The following MTMR8 variants were observed in gnomAD, a reference collection of about 807,000 sequenced individuals.
MTMR8 encodes the protein phosphatidylinositol-3,5-bisphosphate 3-phosphatase MTMR8.
MTMR8 carries 65 observed loss-of-function variants against 39.3 expected under a neutral mutation model. The ratio of observed to expected loss-of-function variants is 1.65; its 90% CI spans 1.35 to 2.03. The LOEUF (loss-of-function observed/expected upper bound fraction) is 2.03, where lower values mean the gene tolerates loss of function less well. Among genes scored for constraint, MTMR8 ranks in the 30% most tolerant of loss-of-function variants. MTMR8 has a pLI of 0.00. For synonymous variants in MTMR8, 245 were observed against 185.2 expected, an observed-to-expected ratio of 1.32 and a Z score of -2.62; for missense variants, 777 against 538.9, an observed-to-expected ratio of 1.44 and a Z score of -4.37.
intron 2 of MTMR8, 97 bp downstream of exon 2, chrX:64,359,308 T>C: frequency 1.3e-5 from 12 of 917,406 alleles, no homozygotes; most frequent in Non-Finnish European, 1.7e-5. Context: ...TTTACAGCAA[T>C]TTAAAAATTA....
intron 12 of MTMR8, among the ~76,000 whole-genome samples, chrX:64,297,916 G>A (rs1921681249): frequency 2.0e-5 from 2 of 99,730 alleles, no homozygotes; most frequent in South Asian, 1.0e-3. Context: ...ATTTCTGAGG[G>A]CTCTGTTCTG....
At chrX:64,332,446 A>G (rs1046202627) in intron 10 of MTMR8, among the ~76,000 whole-genome samples, 6 of 111,891 alleles carry the variant, frequency 5.4e-5, no homozygotes, top group African/African-American at 1.9e-4. Flanking sequence ...CTTGGGGTCA[A>G]ATAAAAATGG....
chrX:64,293,491 T>A (rs1458266732), intron 12 of MTMR8, among the ~76,000 whole-genome samples: 1 of 111,326 alleles, frequency 9.0e-6, no homozygotes, highest in Non-Finnish European at 1.9e-5. Flanking sequence ...GTGAAGCAAG[T>A]ATTAACATTT....
chrX:64,366,298 T>C (rs1031216219), intron 1 of MTMR8, among the ~76,000 whole-genome samples: 7 of 111,886 alleles, frequency 6.3e-5, no homozygotes, highest in African/African-American at 2.0e-4. Context: ...ATCAACAGAA[T>C]ATACATTCTT....
At chrX:64,359,363 C>G (rs901339006) in intron 2 of MTMR8, 42 bp downstream of exon 2, 4 of 1,163,461 alleles carry the variant, frequency 3.4e-6, no homozygotes, top group Non-Finnish European at 3.5e-6. Flanking sequence ...CATGTATGCA[C>G]AACTCTTTAA....
chrX:64,272,997 G>A (rs1008964919), intron 12 of MTMR8, among the ~76,000 whole-genome samples: 6 of 111,657 alleles, frequency 5.4e-5, no homozygotes, highest in African/African-American at 9.8e-5. Context: ...AAAGCTAAGG[G>A]AGTTCATTAC....
chrX:64,360,273 T>C, intron 1 of MTMR8: 1 of 175,088 alleles, frequency 5.7e-6, no homozygotes, highest in South Asian at 8.7e-5. Flanking sequence ...AATATAAACA[T>C]ATTGTATAAT....
intron 1 of MTMR8, among the ~76,000 whole-genome samples, chrX:64,381,866 T>A (rs1179032292): frequency 2.7e-5 from 3 of 112,089 alleles, no homozygotes; most frequent in Non-Finnish European, 5.6e-5. Flanking sequence ...AGGGAATTGT[T>A]TCCCCATTTC....
intron 12 of MTMR8, among the ~76,000 whole-genome samples, chrX:64,287,546 C>A (rs999349271): frequency 2.2e-4 from 24 of 111,109 alleles, no homozygotes; most frequent in African/African-American, 7.5e-4. Context: ...GGAGGCATCA[C>A]GCTACCTGAC....
chrX:64,327,406 T>A (rs960025359), intron 12 of MTMR8, among the ~76,000 whole-genome samples: 1 of 111,641 alleles, frequency 9.0e-6, no homozygotes, highest in Non-Finnish European at 1.9e-5. Context: ...GATATACAAA[T>A]GGCCAATAGG....
At chrX:64,374,599 A>G (rs1346286273) in intron 1 of MTMR8, among the ~76,000 whole-genome samples, 1 of 111,882 alleles carries the variant, frequency 8.9e-6, no homozygotes, top group Non-Finnish European at 1.9e-5. Flanking sequence ...CCAAGAGTGG[A>G]ATAAAAGTAG....
At chrX:64,371,896 A>G (rs1173738070) in intron 1 of MTMR8, among the ~76,000 whole-genome samples, 2 of 110,272 alleles carry the variant, frequency 1.8e-5, no homozygotes, top group East Asian at 5.7e-4. Context: ...TACAAAAATT[A>G]ACTAGATCTG....
chrX:64,363,838 G>C (rs183602410), intron 1 of MTMR8, among the ~76,000 whole-genome samples: 1 of 111,666 alleles, frequency 9.0e-6, no homozygotes, highest in African/African-American at 3.3e-5. Context: ...TCCTAGCCAA[G>C]GGAAGACGTG....
At position 64,350,089 on chromosome X, in the gene MTMR8, A is replaced by T. The variant is rs201149901; in HGVS notation, c.469-19T>A. On this transcript the variant is annotated intron_variant, in intron 4 of 13. Coordinates refer to ENST00000374852, the MANE Select transcript of MTMR8 (RefSeq NM_017677.4). ...TGCATATCTAAAAGAAAATAAGCACAATATATATAAATATATATTTATACA... is the reference window on the plus strand; with the variant it reads ...TGCATATCTAAAAGAAAATAAGCACTATATATATAAATATATATTTATACA... 3.8e-4 allele frequency: 319 copies of T among 846,072 alleles called. 2 individuals are homozygous for T. The African/African-American group carries it at 6.9e-3, about 18-fold the overall frequency. 69.7% of individuals were successfully genotyped at this position (846,072 alleles called of 1,213,427 possible).
intron 1 of MTMR8, among the ~76,000 whole-genome samples, chrX:64,359,732 G>T (rs1013955441): frequency 9.0e-6 from 1 of 110,581 alleles, no homozygotes; most frequent in African/African-American, 3.3e-5. Context: ...AGGAAAACCC[G>T]TATTCTAGAA....
chrX:64,381,581 T>C (rs1361324741), intron 1 of MTMR8, among the ~76,000 whole-genome samples: 4 of 110,793 alleles, frequency 3.6e-5, no homozygotes, highest in Admixed American at 2.9e-4. Flanking sequence ...GGTAGTTTCT[T>C]TTGCTGTGCA....
intron 1 of MTMR8, among the ~76,000 whole-genome samples, chrX:64,367,263 G>A (rs1157825869): frequency 8.9e-6 from 1 of 111,818 alleles, no homozygotes; most frequent in Non-Finnish European, 1.9e-5. Context: ...ATTTTATGAG[G>A]CCAGCATCAT....
At chrX:64,390,301 A>G (rs1314382637) in intron 1 of MTMR8, among the ~76,000 whole-genome samples, 1 of 112,088 alleles carries the variant, frequency 8.9e-6, no homozygotes, top group African/African-American at 3.2e-5. Context: ...GTGTGGTACT[A>G]CAAAGTGTTA....
chrX:64,318,204 A>G (rs1473407454), intron 12 of MTMR8, among the ~76,000 whole-genome samples: 1 of 112,039 alleles, frequency 8.9e-6, no homozygotes, highest in Non-Finnish European at 1.9e-5. Context: ...CCAACTCCCC[A>G]CTTGGCTTTT....
Sources: gnomAD v4.1 joint callset for allele counts (sites outside exome capture counted in the v4.1 genomes callset) on GRCh38, gnomAD v4.1.1 for gene constraint, MANE v1.5 for transcripts, NCBI Gene and HGNC (gene_info 2026-07-23, HGNC 2026-07-21) for gene names.